Variants in ZFR2 observed in about 807,000 individuals in gnomAD.
ZFR2 encodes the protein zinc finger RNA-binding protein 2.
Under a neutral mutation model 105.7 loss-of-function variants are expected in ZFR2, and 104 were observed. That is an observed-to-expected ratio of 0.98 (90% CI 0.84 to 1.16). The LOEUF is 1.16. Among genes scored for constraint, ZFR2 ranks in the 50% most tolerant of loss-of-function variants. The probability of loss-of-function intolerance (pLI) is 0.00; values close to 1 mark genes in which losing one functional copy is unlikely to be tolerated. For missense variants in ZFR2, 1,425 were observed against 1,355.5 expected (o/e 1.05, Z -0.80); for synonymous variants, 634 against 597.7 (o/e 1.06, Z -0.89).
chr19:3,852,097 T>G lies in ZFR2; in HGVS notation c.53+16868A>C, dbSNP rs371323292. On this transcript the variant is annotated intron_variant, in intron 1 of 18. Transcript: ENST00000262961. ...TGGGTGCCTCTTCTGGCCAAGGCGG[T>G]GCTCAGCTGGGTGGCTCTTCTGGCC... 1,553 of 249,658 alleles carry G rather than the reference T, an allele frequency of 6.2e-3. 12 individuals carry two copies. The highest frequency in any genetic ancestry group is 8.5e-3 in the Admixed American group (142 of 16,752). 15.5% of individuals were successfully genotyped at this position (249,658 alleles called of 1,614,324 possible). A position where few individuals can be genotyped will look rare whatever the true frequency, so the allele number is the denominator to read the frequency against.
rs747888685 is a variant in ZFR2 at position 3,808,927 on chromosome 19, G to A, written c.2490C>T (p.Pro830=). The change falls in exon 17 of 19, where the codon CCC becomes CCT. Residue 830 remains proline (P), a synonymous_variant. Transcript: ENST00000262961. ...AVSSAAGPLG[P]GDAVRRVLEC... is the part of the protein sequence containing the mutation. The stretch of plus-strand genomic sequence containing the variant: ...CCAGGACTCGCCTGACTGCATCCCC[G>A]GGGCCCAGGGGCCCAGCCGCACTGC... 26 of 1,571,026 alleles carry A rather than the reference G, an allele frequency of 1.7e-5. No homozygotes were observed. The East Asian group carries it at 2.1e-4, about 13-fold the overall frequency.
chr19:3,819,031 G>A lies in ZFR2; in HGVS notation c.1931+14C>T. 2.5e-6 allele frequency: 4 copies of A among 1,610,318 alleles called. No homozygotes were observed. Among genetic ancestry groups the A allele is most frequent in the Non-Finnish European group, 3.4e-6 (4 of 1,179,172 alleles). On this transcript the variant is annotated intron_variant, in intron 12 of 18. Coordinates refer to ENST00000262961, the MANE Select transcript of ZFR2 (RefSeq NM_015174.2). ...GCTGAGAGCCGGGCCCTGGGGAAGG[G>A]GATCTCCAATGACCTGCGCTTGTCA...
At chr19:3,846,583 A>C (rs1032192133) in intron 1 of ZFR2, among the ~76,000 whole-genome samples, 1 of 152,246 alleles carries the variant, frequency 6.6e-6, no homozygotes, top group Non-Finnish European at 1.5e-5. Context: ...GATTAGTTAC[A>C]TAAGCAGAAC....
chr19:3,818,237 G>A (rs1211920423), intron 12 of ZFR2, among the ~76,000 whole-genome samples: 1 of 152,246 alleles, frequency 6.6e-6, no homozygotes, highest in Non-Finnish European at 1.5e-5. Flanking sequence ...AGGCCGAGGT[G>A]GGAGGATCGC....
At chr19:3,807,130 T>TG (rs1235994834) in intron 18 of ZFR2, 42 bp downstream of exon 18, 7 of 1,443,922 alleles carry the variant, frequency 4.8e-6, no homozygotes, top group Admixed American at 2.0e-5. Flanking sequence ...AAGCCGGAGC[T>TG]GGGGCCTGGG....
chr19:3,839,087 G>A (rs1431073117), intron 1 of ZFR2, among the ~76,000 whole-genome samples: 1 of 152,110 alleles, frequency 6.6e-6, no homozygotes, highest in Non-Finnish European at 1.5e-5. Flanking sequence ...GCTCTGATCT[G>A]CACCATCGTG....
chr19:3,854,443 C>T (rs906599085), intron 1 of ZFR2, among the ~76,000 whole-genome samples: 57 of 152,260 alleles, frequency 3.7e-4, no homozygotes, highest in African/African-American at 1.3e-3. Context: ...ACATAACAGG[C>T]GCTTCACAGC....
intron 17 of ZFR2, 46 bp from the exon 18 acceptor site, chr19:3,807,315 C>T: frequency 4.9e-6 from 7 of 1,421,754 alleles, no homozygotes; most frequent in African/African-American, 2.8e-5. Context: ...AGAATGCCCT[C>T]GTGAAAGACG....
chr19:3,857,603 T>G (rs1266927848), intron 1 of ZFR2, among the ~76,000 whole-genome samples: 1 of 145,772 alleles, frequency 6.9e-6, no homozygotes. Context: ...CACTGAGGTA[T>G]GAGAATCACT....
intron 1 of ZFR2, among the ~76,000 whole-genome samples, chr19:3,867,304 T>TTG (rs1555762876): frequency 6.0e-5 from 9 of 149,656 alleles, no homozygotes; most frequent in Admixed American, 6.0e-4. Flanking sequence ...GATCAACTGT[T>TTG]GGGGGGGGAA....
chr19:3,860,340 G>A (rs1327380070), intron 1 of ZFR2, among the ~76,000 whole-genome samples: 2 of 151,790 alleles, frequency 1.3e-5, no homozygotes, highest in African/African-American at 2.4e-5. Flanking sequence ...CACCCGGCCC[G>A]AAAGGATTTT....
chr19:3,863,951 C>T (rs1392957745), intron 1 of ZFR2, among the ~76,000 whole-genome samples: 2 of 152,090 alleles, frequency 1.3e-5, no homozygotes, highest in African/African-American at 2.4e-5. Context: ...ATCAGGTGCC[C>T]GGGACTCACC....
At position 3,819,215 on chromosome 19, in the gene ZFR2, G is replaced by T. The variant is rs368687841; in HGVS notation, c.1761C>A (p.Ser587=). Reference sequence around the variant, plus strand: ...TGCACATGACGTGCCGGTCGTCGCTGGACGCCGGCCGCCGCCCGGGCTGTG... The same window carrying T: ...TGCACATGACGTGCCGGTCGTCGCTTGACGCCGGCCGCCGCCCGGGCTGTG... ...APLQPGRRPA[S]SDDRHVMCKH... is the part of the protein sequence containing the mutation. Residue 587 remains serine, a synonymous_variant, in exon 12 of 19, where the codon TCC becomes TCA. Coordinates refer to ENST00000262961, the MANE Select transcript of ZFR2 (RefSeq NM_015174.2). 4.5e-6 allele frequency: 7 copies of T among 1,556,574 alleles called. No individual in the cohort carries two copies. The African/African-American group carries it at 9.6e-5, about 21-fold the overall frequency.
chr19:3,854,661 T>C (rs923428185), intron 1 of ZFR2, among the ~76,000 whole-genome samples: 2 of 152,214 alleles, frequency 1.3e-5, no homozygotes, highest in Non-Finnish European at 2.9e-5. Flanking sequence ...CATGTGCCCG[T>C]AAACTCTGCA....
intron 1 of ZFR2, among the ~76,000 whole-genome samples, chr19:3,853,367 CAA>C (rs1463473584): frequency 2.0e-5 from 3 of 152,176 alleles, no homozygotes; most frequent in African/African-American, 4.8e-5. Context: ...CTGAAAATGA[CAA>C]AGACAGGTGT....
At chr19:3,808,358 T>C (rs2037725868) in intron 17 of ZFR2, among the ~76,000 whole-genome samples, 1 of 152,244 alleles carries the variant, frequency 6.6e-6, no homozygotes, top group South Asian at 2.1e-4. Context: ...CCTATGTCAC[T>C]AAAAATGACT....
At chr19:3,806,634 A>G (rs1043252411) in intron 18 of ZFR2, among the ~76,000 whole-genome samples, 3 of 151,988 alleles carry the variant, frequency 2.0e-5, no homozygotes, top group African/African-American at 7.3e-5. Context: ...CCGGCTGACC[A>G]CAAGGACTGT....
At position 3,831,381 on chromosome 19, in the gene ZFR2, C is replaced by G; in HGVS notation, c.774G>C (p.Leu258=). The change falls in exon 5 of 19, where the codon CTG becomes CTC. Residue 258 remains leucine, a synonymous_variant. Transcript: ENST00000262961. ...ADSKPPLPSK[L]PRPKAGPRQL... ...GCCTGGGCCCCGCCTTGGGTCTCGG[C>G]AGCTTGCTGGGAAGCGGTGGCTTCG... 6.4e-7 allele frequency: 1 copy of G among 1,558,028 alleles called. No homozygotes were observed. Among genetic ancestry groups the G allele is most frequent in the Non-Finnish European group, 8.7e-7 (1 of 1,152,998 alleles).
At chr19:3,808,233 G>A (rs1302988715) in intron 17 of ZFR2, among the ~76,000 whole-genome samples, 1 of 152,150 alleles carries the variant, frequency 6.6e-6, no homozygotes, top group African/African-American at 2.4e-5. Context: ...GTGCGTGCGT[G>A]TGCCCGTGTG....
Sources: gnomAD v4.1 joint callset for allele counts (sites outside exome capture counted in the v4.1 genomes callset) on GRCh38, gnomAD v4.1.1 for gene constraint, MANE v1.5 for transcripts, NCBI Gene and HGNC (gene_info 2026-07-23, HGNC 2026-07-21) for gene names.